SMARCA2: variants seen among roughly 807,000 people sequenced by gnomAD.
SMARCA2 encodes SWI/SNF related BAF chromatin remodeling complex subunit ATPase 2, also known as SWI/SNF-related matrix-associated actin-dependent regulator of chromatin subfamily A member 2.
SMARCA2 carries 61 observed loss-of-function variants against 199.8 expected under a neutral mutation model. That is an observed-to-expected ratio of 0.31 (90% CI 0.25 to 0.38). The LOEUF (loss-of-function observed/expected upper bound fraction) is 0.38. SMARCA2 is among the 10% of genes least tolerant of loss of function. The pLI is 1.00. For synonymous variants in SMARCA2, 935 were observed against 732.0 expected (o/e 1.28, Z -4.48); for missense variants, 1,344 against 2,012.2 (o/e 0.67, Z 6.35).
At chr9:2,107,162 A>G (rs1229986886) in intron 23 of SMARCA2, among the ~76,000 whole-genome samples, 3 of 152,208 alleles carry the variant, frequency 2.0e-5, no homozygotes, top group Non-Finnish European at 4.4e-5. Context: ...ATTGCTGATG[A>G]TCAGCAAAGA....
chr9:2,031,085 GGT>G (rs759427838), intron 2 of SMARCA2, among the ~76,000 whole-genome samples: 1 of 151,404 alleles, frequency 6.6e-6, no homozygotes, highest in Non-Finnish European at 1.5e-5. Flanking sequence ...TGTATATATT[GGT>G]GTTTTTTTTT....
intron 1 of SMARCA2, among the ~76,000 whole-genome samples, chr9:2,019,305 T>C (rs1424217178): frequency 6.6e-6 from 1 of 152,216 alleles, no homozygotes; most frequent in Non-Finnish European, 1.5e-5. Context: ...CTTTCTCTTA[T>C]GACTTATATC....
intron 27 of SMARCA2, among the ~76,000 whole-genome samples, chr9:2,132,125 G>A (rs763762172): frequency 1.3e-5 from 2 of 151,970 alleles, no homozygotes; most frequent in African/African-American, 2.4e-5. Context: ...ACAGGAAAAG[G>A]CAGACAAATC....
chr9:2,021,997 C>CGAGATCACAGAGACCCGG (rs1563711171), intron 1 of SMARCA2: 4 of 150,840 alleles, frequency 2.7e-5, no homozygotes, highest in African/African-American at 9.8e-5. Flanking sequence ...AGAGACCCGG[C>CGAGATCACAGAGACCCGG]CTGAAGGAAC....
At chr9:2,179,890 C>A (rs951772318) in intron 29 of SMARCA2, among the ~76,000 whole-genome samples, 1 of 152,148 alleles carries the variant, frequency 6.6e-6, no homozygotes, top group African/African-American at 2.4e-5. Context: ...AAGTTGCTCT[C>A]TACAAATTAC....
intron 22 of SMARCA2, among the ~76,000 whole-genome samples, chr9:2,102,330 G>T (rs192156390): frequency 1.3e-3 from 200 of 152,238 alleles, no homozygotes; most frequent in Non-Finnish European, 2.3e-3. Context: ...TCTGGGTTCT[G>T]TGGTTACTCC....
Position 2,170,342 on chromosome 9 carries a change from C to T in SMARCA2, c.4200-77C>T, listed in dbSNP as rs1826180664. The stretch of plus-strand genomic sequence containing the variant: ...GAGACTGAGGCTTGGCCAGGTCACC[C>T]AGCCTAGGAAGAAGGAGCCGGGCGG... On this transcript the variant is annotated intron_variant, in intron 28 of 33. Transcript: ENST00000349721. This position sits in a 1 kb window ranked among gnomAD's most constrained non-coding sequence, Gnocchi z 4.7. 1.3e-6 allele frequency: 2 copies of T among 1,594,264 alleles called. No homozygotes were observed. Among genetic ancestry groups the T allele is most frequent in the Non-Finnish European group, 1.7e-6 (2 of 1,168,184 alleles).
intron 17 of SMARCA2, among the ~76,000 whole-genome samples, chr9:2,085,516 T>G (rs1302352938): frequency 6.6e-6 from 1 of 152,244 alleles, no homozygotes; most frequent in Non-Finnish European, 1.5e-5. Flanking sequence ...TTTAGGATAT[T>G]TATTTAAATA....
Position 2,108,292 on chromosome 9 carries a change from T to C in SMARCA2, c.3293-1962T>C, listed in dbSNP as rs78764833. Among the ~76,000 whole-genome samples the C allele has an allele frequency of 2.8e-3, 425 of 152,298 alleles. 12 individuals carry two copies. In the East Asian group the frequency reaches 0.07, roughly 25 times the overall value. On this transcript the variant is annotated intron_variant, in intron 23 of 33. Transcript: ENST00000349721. ...TGACGTATGCATGTTATCTGTAAAG[T>C]AGCCAGTGAAGGTCAAGTTTGAGCA...
Position 2,193,011 on chromosome 9 carries a change from A to T in SMARCA2, c.*272A>T, listed in dbSNP as rs747681965. ...CTTTTGATGGAAAATATGTGGGTGG[A>T]TAGTATATTTCTATGGGTGGGTCTA... On this transcript the variant is annotated 3_prime_UTR_variant, in exon 34 of 34. Transcript: ENST00000349721. 1 of 420,334 alleles carries T rather than the reference A, an allele frequency of 2.4e-6. No homozygotes were observed. The highest frequency in any genetic ancestry group is 4.2e-6 in the Non-Finnish European group (1 of 237,444). The allele number at this position is 420,334 out of a possible 1,614,324, so 26.0% of individuals were successfully genotyped here. A position where few individuals can be genotyped will look rare whatever the true frequency, so the allele number is the denominator to read the frequency against.
Position 2,169,181 on chromosome 9 carries a change from C to A in SMARCA2, c.4200-1238C>A, listed in dbSNP as rs111793439. Among the ~76,000 whole-genome samples the A allele has an allele frequency of 2.6e-5, 4 of 152,320 alleles. No individual in the cohort carries two copies. The highest frequency in any genetic ancestry group is 9.6e-5 in the African/African-American group (4 of 41,570). On this transcript the variant is annotated intron_variant, in intron 28 of 33. Transcript: ENST00000349721. The surrounding 1 kb of genome is among the most constrained non-coding windows in gnomAD (Gnocchi z 6.5). ...CACCCGTTCACCTGCCTCCTCACCC[C>A]CTGTCTTCCTGAGGCCCTTGCACTG...
chr9:2,173,152 T>C (rs1826348170), intron 29 of SMARCA2, among the ~76,000 whole-genome samples: 1 of 152,070 alleles, frequency 6.6e-6, no homozygotes, highest in Non-Finnish European at 1.5e-5. Flanking sequence ...GAAATGAAGG[T>C]GGCAGGAAAA....
chr9:2,084,497 T>C (rs990629714), intron 17 of SMARCA2, among the ~76,000 whole-genome samples: 1 of 151,954 alleles, frequency 6.6e-6, no homozygotes, highest in Non-Finnish European at 1.5e-5. Flanking sequence ...TTCACCTGGT[T>C]GCTTCTGCAA....
At position 2,169,953 on chromosome 9, in the gene SMARCA2, T is replaced by C. The variant is rs1016986971; in HGVS notation, c.4200-466T>C. Among the ~76,000 whole-genome samples, 1 of 152,352 alleles carries C rather than the reference T, an allele frequency of 6.6e-6. No homozygotes were observed. The highest frequency in any genetic ancestry group is 1.9e-4 in the East Asian group (1 of 5,190). On this transcript the variant is annotated intron_variant, in intron 28 of 33. Coordinates refer to ENST00000349721, the MANE Select transcript of SMARCA2 (RefSeq NM_003070.5). This position sits in a 1 kb window ranked among gnomAD's most constrained non-coding sequence, Gnocchi z 6.5. ...GACCCAAATTGGCTGATGCTTGGAA[T>C]ACCTTCTTTGTGCAGGCTACTGTAA...
At chr9:2,089,843 G>T (rs960484851) in intron 19 of SMARCA2, among the ~76,000 whole-genome samples, 1 of 152,092 alleles carries the variant, frequency 6.6e-6, no homozygotes, top group African/African-American at 2.4e-5. Context: ...CAGTTACGGT[G>T]ATTCTGCAAG....
intron 27 of SMARCA2, among the ~76,000 whole-genome samples, chr9:2,153,836 GAGAT>G (rs1431837059): frequency 6.6e-6 from 1 of 152,116 alleles, no homozygotes; most frequent in African/African-American, 2.4e-5. Context: ...GTGAGAGAGA[GAGAT>G]CTTTGCTGGA....
intron 31 of SMARCA2, among the ~76,000 whole-genome samples, chr9:2,182,657 G>A (rs1462990882): frequency 1.3e-5 from 2 of 151,862 alleles, no homozygotes; most frequent in Non-Finnish European, 2.9e-5. Context: ...ACCATGCCTG[G>A]CTGATTTTTG....
chr9:2,048,095 C>T (rs1055531828), intron 5 of SMARCA2: 1 of 152,194 alleles, frequency 6.6e-6, no homozygotes, highest in Admixed American at 6.5e-5. Flanking sequence ...CAACTCACCT[C>T]TACCCTTGCA....
intron 27 of SMARCA2, among the ~76,000 whole-genome samples, chr9:2,141,059 A>G (rs926489484): frequency 6.6e-5 from 10 of 152,036 alleles, no homozygotes; most frequent in Admixed American, 2.0e-4. Context: ...CATGTAGTCA[A>G]TGCTTTCTTA....
Sources: gnomAD v4.1 joint callset for allele counts (sites outside exome capture counted in the v4.1 genomes callset) on GRCh38, gnomAD v4.1.1 for gene constraint, Gnocchi (gnomAD v3.1) non-coding constraint, MANE v1.5 for transcripts, NCBI Gene and HGNC (gene_info 2026-07-23, HGNC 2026-07-21) for gene names.